RPH3A: variants seen among roughly 807,000 people sequenced by gnomAD.
RPH3A encodes rabphilin-3A.
In RPH3A, 48 loss-of-function variants were observed where a neutral mutation model predicts 102.2. That is an observed-to-expected ratio of 0.47 (90% CI 0.37 to 0.60). The LOEUF (loss-of-function observed/expected upper bound fraction) is 0.60. Ranked by LOEUF, RPH3A falls within the 20% of genes least tolerant of loss-of-function variation. RPH3A has a pLI of 0.00. For missense variants in RPH3A, 781 were observed against 910.1 expected, an observed-to-expected ratio of 0.86 and a Z score of 1.83; for synonymous variants, 310 against 324.3, an observed-to-expected ratio of 0.96 and a Z score of 0.47.
chr12:112,670,905 A>T (rs1255645502), intron 1 of RPH3A, among the ~76,000 whole-genome samples: 1 of 152,138 alleles, frequency 6.6e-6, no homozygotes. Context: ...AACAAACCTC[A>T]CCTGTTGATG....
intron 4 of RPH3A, among the ~76,000 whole-genome samples, chr12:112,844,987 C>T (rs915699515): frequency 2.6e-5 from 4 of 152,180 alleles, no homozygotes; most frequent in Non-Finnish European, 5.9e-5. Flanking sequence ...TCCACGTGGG[C>T]CTCTCCATGG....
At chr12:112,838,277 A>G (rs945526639) in intron 4 of RPH3A, among the ~76,000 whole-genome samples, 10 of 152,266 alleles carry the variant, frequency 6.6e-5, no homozygotes, top group Non-Finnish European at 1.2e-4. Context: ...GAGAGAGAAC[A>G]TGGGATTTTA....
chr12:112,870,157 C>A, intron 10 of RPH3A, 118 bp downstream of exon 10: 1 of 1,013,696 alleles, frequency 9.9e-7, no homozygotes, highest in Non-Finnish European at 1.4e-6. Flanking sequence ...CTACTGTGTG[C>A]CGTGTTCTAT....
In RPH3A at chr12:112,597,546, G is replaced by T. The variant is rs548350840; in HGVS notation, c.-140+22227G>T. On this transcript the variant is annotated intron_variant, in intron 1 of 21. Coordinates refer to the RPH3A transcript ENST00000543106. ...TGGGAGGTTGTGGCTAAAGTGAGATGTGGTTGTGCCTTGGCGATGGGAGTG... is the reference window on the plus strand; with the variant it reads ...TGGGAGGTTGTGGCTAAAGTGAGATTTGGTTGTGCCTTGGCGATGGGAGTG... Among the ~76,000 whole-genome samples the T allele has an allele frequency of 2.0e-4, 31 of 152,280 alleles. 1 individual carries two copies. The highest frequency in any genetic ancestry group is 6.5e-4 in the African/African-American group (27 of 41,546).
At chr12:112,632,724 A>G (rs983359463) in intron 1 of RPH3A, among the ~76,000 whole-genome samples, 3 of 152,188 alleles carry the variant, frequency 2.0e-5, no homozygotes, top group African/African-American at 7.2e-5. Flanking sequence ...GATTATCACA[A>G]CTGAGGGGGT....
At chr12:112,841,706 G>GTTTTTTTTTTTTTTTTTTTTTTTTTT (rs150878418) in intron 4 of RPH3A, among the ~76,000 whole-genome samples, 1 of 145,066 alleles carries the variant, frequency 6.9e-6, no homozygotes, top group African/African-American at 2.6e-5. Flanking sequence ...TTGTTTTTTT[G>GTTTTTTTTTTTTTTTTTTTTTTTTTT]GTTTTTTTTT....
chr12:112,815,204 G>C (rs2041650605), intron 2 of RPH3A, among the ~76,000 whole-genome samples: 1 of 152,240 alleles, frequency 6.6e-6, no homozygotes, highest in South Asian at 2.1e-4. Context: ...CCAGGGCACA[G>C]AGCAGGATGG....
chr12:112,785,231 A>G (rs1350417854), intron 1 of RPH3A, among the ~76,000 whole-genome samples: 1 of 8,774 alleles, frequency 1.1e-4, no homozygotes, highest in Non-Finnish European at 4.4e-4. Context: ...CTCAAAAAAG[A>G]AAAAAAAAAA....
chr12:112,819,655 A>C (rs1404558392), intron 2 of RPH3A, among the ~76,000 whole-genome samples: 1 of 152,238 alleles, frequency 6.6e-6, no homozygotes, highest in African/African-American at 2.4e-5. Context: ...GGTTGAGTTC[A>C]GCTGGGTTCA....
chr12:112,781,390 G>A (rs560235668), intron 1 of RPH3A, among the ~76,000 whole-genome samples: 2 of 152,248 alleles, frequency 1.3e-5, no homozygotes, highest in South Asian at 4.1e-4. Context: ...ACTGTTCCAC[G>A]TGGCTGCGAC....
At chr12:112,888,011 C>A in intron 17 of RPH3A, 88 bp downstream of exon 17, 1 of 1,477,720 alleles carries the variant, frequency 6.8e-7, no homozygotes. Context: ...GGAAATAGAT[C>A]CACGGGGTAT....
chr12:112,588,318 G>A (rs1325505134), intron 1 of RPH3A, among the ~76,000 whole-genome samples: 1 of 152,222 alleles, frequency 6.6e-6, no homozygotes, highest in East Asian at 1.9e-4. Context: ...TGAACTCACA[G>A]TTCCATATGG....
chr12:112,691,121 T>C (rs1325663451), intron 1 of RPH3A, among the ~76,000 whole-genome samples: 1 of 151,698 alleles, frequency 6.6e-6, no homozygotes, highest in Non-Finnish European at 1.5e-5. Context: ...GCCTCCCGGG[T>C]TCAGCCACTT....
chr12:112,638,319 C>G (rs954872566), intron 1 of RPH3A, among the ~76,000 whole-genome samples: 1 of 152,120 alleles, frequency 6.6e-6, no homozygotes, highest in African/African-American at 2.4e-5. Flanking sequence ...TATAAATTAC[C>G]CAGCCTCAGG....
intron 5 of RPH3A, among the ~76,000 whole-genome samples, chr12:112,862,012 CAAA>C (rs56918360): frequency 2.7e-3 from 213 of 78,464 alleles, no homozygotes; most frequent in African/African-American, 5.9e-3. Context: ...GACTCCGTCT[CAAA>C]AAAAAAAAAA....
At chr12:112,764,740 CT>C (rs1278863463) in intron 1 of RPH3A, among the ~76,000 whole-genome samples, 1 of 151,726 alleles carries the variant, frequency 6.6e-6, no homozygotes, top group East Asian at 1.9e-4. Context: ...CAGCTTTTAC[CT>C]TATGGCTCTG....
intron 1 of RPH3A, among the ~76,000 whole-genome samples, chr12:112,764,020 A>C (rs2040871753): frequency 6.6e-6 from 1 of 152,202 alleles, no homozygotes. Context: ...AAGGGCAGCC[A>C]GTAGAAGACC....
intron 10 of RPH3A, among the ~76,000 whole-genome samples, chr12:112,872,302 T>C (rs1471713999): frequency 2.6e-5 from 4 of 152,230 alleles, no homozygotes; most frequent in Non-Finnish European, 5.9e-5. Context: ...CTATGATTAG[T>C]GATACTGAGC....
intron 4 of RPH3A, chr12:112,841,926 C>T: frequency 2.2e-6 from 1 of 455,982 alleles, no homozygotes; most frequent in Middle Eastern, 3.3e-4. Flanking sequence ...CTCTCTGTCT[C>T]TCTCTCCTGA....
Sources: gnomAD v4.1 joint callset for allele counts (sites outside exome capture counted in the v4.1 genomes callset) on GRCh38, gnomAD v4.1.1 for gene constraint, MANE v1.5 for transcripts, NCBI Gene and HGNC (gene_info 2026-07-23, HGNC 2026-07-21) for gene names.